The following PCDHGA6 variants were observed in gnomAD, a reference collection of about 807,000 sequenced individuals.
The protein encoded by PCDHGA6 is protocadherin gamma-A6.
PCDHGA6 carries 41 observed loss-of-function variants against 60.6 expected under a neutral mutation model. That is an observed-to-expected ratio of 0.68 (90% CI 0.53 to 0.88). The LOEUF is 0.88. Ranked by LOEUF, PCDHGA6 falls within the 40% of genes least tolerant of loss-of-function variation. The probability of loss-of-function intolerance (pLI) is 0.00; values close to 1 mark genes in which losing one functional copy is unlikely to be tolerated. For missense variants in PCDHGA6, 1,312 were observed against 1,203.0 expected (o/e 1.09, Z -1.34); for synonymous variants, 594 against 524.4 (o/e 1.13, Z -1.81).
At chr5:141,482,761 ATT>A (rs2099571906) in intron 1 of PCDHGA6, among the ~76,000 whole-genome samples, 1 of 127,370 alleles carries the variant, frequency 7.9e-6, no homozygotes, top group Admixed American at 7.7e-5. Flanking sequence ...ATGGTATTTC[ATT>A]ATCACTGAAC....
Position 141,505,383 on chromosome 5 carries a change from C to T in PCDHGA6, c.2484-10C>T, listed in dbSNP as rs369765886. On this transcript the variant is annotated splice_polypyrimidine_tract_variant and intron_variant, in intron 2 of 3. Coordinates refer to ENST00000517434, the MANE Select transcript of PCDHGA6 (RefSeq NM_018919.3). Reference sequence around the variant, plus strand: ...GGGAGTCTGTGCTCACCATCCTACTCTCTCCCCAGCTCCCAAAATGGCGAT... The same window carrying T: ...GGGAGTCTGTGCTCACCATCCTACTTTCTCCCCAGCTCCCAAAATGGCGAT... The T allele has an allele frequency of 1.2e-6, 2 of 1,613,944 alleles. No individual in the cohort carries two copies. Among genetic ancestry groups the T allele is most frequent in the African/African-American group, 2.7e-5 (2 of 74,914 alleles).
At position 141,476,112 on chromosome 5, in the gene PCDHGA6, G is replaced by A. The variant is rs1201449171; in HGVS notation, c.2425-18695G>A. 2.5e-6 allele frequency: 4 copies of A among 1,590,646 alleles called. No homozygotes were observed. Among genetic ancestry groups the A allele is most frequent in the Non-Finnish European group, 2.6e-6 (3 of 1,170,830 alleles). ...CCCCGCTGAGAGGAACTGCTTTTGA[G>A]TGAGATGGTCCCAGAGGCCTGGAGG... On this transcript the variant is annotated intron_variant, in intron 1 of 3. Transcript: ENST00000517434. The surrounding 1 kb of genome is among the most constrained non-coding windows in gnomAD (Gnocchi z 7.6).
chr5:141,435,897 A>G (rs1206255678), intron 1 of PCDHGA6, among the ~76,000 whole-genome samples: 2 of 152,166 alleles, frequency 1.3e-5, no homozygotes, highest in East Asian at 1.9e-4. Context: ...TAGAGAATGA[A>G]AGACATCCAA....
chr5:141,395,055 G>T, intron 1 of PCDHGA6: 1 of 1,614,178 alleles, frequency 6.2e-7, no homozygotes, highest in African/African-American at 1.3e-5. Context: ...GGAGGTACAG[G>T]CTTTCCTGCA....
chr5:141,377,273 A>G (rs910126061), intron 1 of PCDHGA6: 1 of 96,864 alleles, frequency 1.0e-5, no homozygotes, highest in African/African-American at 5.8e-5. Flanking sequence ...CTAATGTGGG[A>G]AAAAAAATAA....
At chr5:141,437,761 C>T (rs1200327020) in intron 1 of PCDHGA6, among the ~76,000 whole-genome samples, 1 of 144,680 alleles carries the variant, frequency 6.9e-6, no homozygotes, top group African/African-American at 2.6e-5. Context: ...TTTTTTGAGA[C>T]AGAGTCTCAA....
In PCDHGA6 at chr5:141,423,130, G is replaced by T. The variant is rs770258338; in HGVS notation, c.2424+46623G>T. The T allele has an allele frequency of 2.5e-6, 4 of 1,613,700 alleles. No homozygotes were observed. Among genetic ancestry groups the T allele is most frequent in the Non-Finnish European group, 2.5e-6 (3 of 1,179,952 alleles). ...GGTGCGTACAGCGCGGGCACTGCTG[G>T]ACAGAGACGCGCTCAAGCAGAGCCT... On this transcript the variant is annotated intron_variant, in intron 1 of 3. Coordinates refer to ENST00000517434, the MANE Select transcript of PCDHGA6 (RefSeq NM_018919.3).
chr5:141,487,452 T>A lies in PCDHGA6; in HGVS notation c.2425-7355T>A, dbSNP rs778695562. 40 of 1,614,046 alleles carry A rather than the reference T, an allele frequency of 2.5e-5. No homozygotes were observed. The highest frequency in any genetic ancestry group is 3.4e-5 in the Non-Finnish European group (40 of 1,180,004). On this transcript the variant is annotated intron_variant, in intron 1 of 3. Coordinates refer to ENST00000517434, the MANE Select transcript of PCDHGA6 (RefSeq NM_018919.3). This position sits in a 1 kb window ranked among gnomAD's most constrained non-coding sequence, Gnocchi z 5.0. ...ATCCAGCTAGGGTCAGATGACCCTA[T>A]CAAGTTTGTTGATGTGGGAGGCCAC... is the stretch of plus-strand genomic sequence containing the variant.
In PCDHGA6 at chr5:141,483,413, G is replaced by A. The variant is rs112015754; in HGVS notation, c.2425-11394G>A. 5.9e-4 allele frequency among the ~76,000 whole-genome samples: 90 copies of A among 152,300 alleles called. 1 individual carries two copies. Among genetic ancestry groups the A allele is most frequent in the African/African-American group, 1.7e-3 (69 of 41,584 alleles). ...AAATGCTTGAACCAGCACAGTGGCA[G>A]TACAGATGGAGGGAGCTGACTACAA... On this transcript the variant is annotated intron_variant, in intron 1 of 3. Transcript: ENST00000517434.
rs758099753 is a variant in PCDHGA6, at chr5:141,432,129, A to G, written c.2424+55622A>G. The G allele has an allele frequency of 5.6e-6, 9 of 1,614,054 alleles. No homozygotes were observed. The highest frequency in any genetic ancestry group is 5.5e-5 in the South Asian group (5 of 91,056). On this transcript the variant is annotated intron_variant, in intron 1 of 3. Transcript: ENST00000517434. The surrounding 1 kb of genome is among the most constrained non-coding windows in gnomAD (Gnocchi z 6.0). Reference sequence around the variant, plus strand: ...CCGCCGGTCTTCCCTCAGGCCTCCTATTCCGCTTATATCCCAGAGAACAAT... The same window carrying G: ...CCGCCGGTCTTCCCTCAGGCCTCCTGTTCCGCTTATATCCCAGAGAACAAT...
chr5:141,428,523 T>G, intron 1 of PCDHGA6: 1 of 278,554 alleles, frequency 3.6e-6, no homozygotes, highest in Non-Finnish European at 7.1e-6. Context: ...AAAGAAGATT[T>G]AATTTTCTCA....
chr5:141,421,888 C>T (rs1387624358), intron 1 of PCDHGA6: 5 of 1,613,746 alleles, frequency 3.1e-6, no homozygotes. Flanking sequence ...TGGAGGCGAT[C>T]CCATCCGAAA....
intron 1 of PCDHGA6, chr5:141,415,851 T>A: frequency 8.1e-7 from 1 of 1,228,614 alleles, no homozygotes; most frequent in Non-Finnish European, 1.1e-6. Flanking sequence ...TTGCAGAACC[T>A]TGTAGTTTAT....
chr5:141,427,304 C>T, intron 1 of PCDHGA6: 1 of 456,910 alleles, frequency 2.2e-6, no homozygotes, highest in Non-Finnish European at 4.4e-6. Flanking sequence ...ATGAGAATGA[C>T]AATGCCCCAG....
At chr5:141,441,680 C>T in intron 1 of PCDHGA6, 1 of 295,840 alleles carries the variant, frequency 3.4e-6, no homozygotes, top group South Asian at 2.8e-5. Context: ...GCGCCTTCGA[C>T]CAAGAGCAGC....
chr5:141,399,559 G>C, intron 1 of PCDHGA6: 1 of 1,614,038 alleles, frequency 6.2e-7, no homozygotes, highest in Non-Finnish European at 8.5e-7. Context: ...CCTGGACTTG[G>C]GGTTGAACGG....
chr5:141,510,083 G>A (rs2099879432), intron 3 of PCDHGA6, among the ~76,000 whole-genome samples: 1 of 152,104 alleles, frequency 6.6e-6, no homozygotes, highest in Non-Finnish European at 1.5e-5. Flanking sequence ...CAGAGTGCCT[G>A]GCACACAGTA....
At position 141,426,439 on chromosome 5, in the gene PCDHGA6, G is replaced by C. The variant is rs149215795; in HGVS notation, c.2424+49932G>C. On this transcript the variant is annotated intron_variant, in intron 1 of 3. Transcript: ENST00000517434. ...GGGCTCCGTGGTGGGGAACCTTGCG[G>C]AGGACATGCGGCTGCATGTTCAGGA... 7.8e-4 allele frequency: 237 copies of C among 302,398 alleles called. 1 individual carries two copies. The highest frequency in any genetic ancestry group is 4.6e-3 in the African/African-American group (214 of 46,260). The allele number at this position is 302,398 out of a possible 1,614,324, so 18.7% of individuals were successfully genotyped here.
chr5:141,441,762 C>T (rs3805697), intron 1 of PCDHGA6: 63,073 of 367,490 alleles, frequency 0.17, 6,544 homozygotes, highest in Admixed American at 0.27. Context: ...CGTGAGCCTG[C>T]GCGTGTTGGT....
Sources: gnomAD v4.1 joint callset for allele counts (sites outside exome capture counted in the v4.1 genomes callset) on GRCh38, gnomAD v4.1.1 for gene constraint, Gnocchi (gnomAD v3.1) non-coding constraint, MANE v1.5 for transcripts, NCBI Gene and HGNC (gene_info 2026-07-23, HGNC 2026-07-21) for gene names.